PIK3C2G: variants seen among roughly 807,000 people sequenced by gnomAD.
The protein encoded by PIK3C2G is phosphatidylinositol-4-phosphate 3-kinase catalytic subunit type 2 gamma.
A neutral mutation model predicts 181.1 loss-of-function variants in PIK3C2G; 168 were observed. The observed-to-expected ratio is 0.93, with a 90% confidence interval of 0.82 to 1.05. The LOEUF is 1.05. Ranked by LOEUF, PIK3C2G falls within the 50% of genes least tolerant of loss-of-function variation. PIK3C2G has a pLI of 0.00. For synonymous variants in PIK3C2G, 573 were observed against 592.2 expected (o/e 0.97, Z 0.47); for missense variants, 1,869 against 1,732.8 (o/e 1.08, Z -1.40).
chr12:18,266,676 T>A (rs548792899), intron 1 of PIK3C2G, among the ~76,000 whole-genome samples: 41 of 152,206 alleles, frequency 2.7e-4, no homozygotes, highest in African/African-American at 9.9e-4. Flanking sequence ...AAACTGAATG[T>A]TTGGTATAGA....
intron 13 of PIK3C2G, among the ~76,000 whole-genome samples, chr12:18,373,526 C>G (rs930496675): frequency 5.3e-5 from 8 of 152,132 alleles, no homozygotes; most frequent in African/African-American, 1.9e-4. Flanking sequence ...TCTACATTTT[C>G]AAGCATGCAA....
chr12:18,243,032 A>C (rs1005709000), upstream of PIK3C2G, among the ~76,000 whole-genome samples: 7 of 152,170 alleles, frequency 4.6e-5, no homozygotes, highest in Non-Finnish European at 8.8e-5. Flanking sequence ...AATACAACTT[A>C]AAGAAGAACA....
chr12:18,496,760 G>A (rs182371215), intron 21 of PIK3C2G, among the ~76,000 whole-genome samples: 22 of 152,218 alleles, frequency 1.4e-4, no homozygotes, highest in African/African-American at 4.1e-4. Context: ...AGCCAAGCCC[G>A]TGCAACAAGG....
Position 18,576,405 on chromosome 12 carries a change from G to A in PIK3C2G, c.4011+9348G>A, listed in dbSNP as rs557771501. ...AAATCATGACTGTGCCCTCCAGAAAGATCACTCAGATTATGTAAATCACAT... is the reference window on the plus strand; with the variant it reads ...AAATCATGACTGTGCCCTCCAGAAAAATCACTCAGATTATGTAAATCACAT... On this transcript the variant is annotated intron_variant, in intron 29 of 32. Coordinates refer to ENST00000538779, the MANE Select transcript of PIK3C2G (RefSeq NM_001288772.2). Among the ~76,000 whole-genome samples the A allele has an allele frequency of 1.0e-3, 158 of 152,242 alleles. 1 individual carries two copies. The highest frequency in any genetic ancestry group is 4.6e-3 in the Admixed American group (70 of 15,286).
intron 1 of PIK3C2G, among the ~76,000 whole-genome samples, chr12:18,264,317 C>T (rs550543626): frequency 1.4e-4 from 22 of 152,102 alleles, no homozygotes; most frequent in Non-Finnish European, 2.9e-4. Context: ...ATATAGTCAA[C>T]GTTAGTCCAG....
chr12:18,315,567 T>G (rs10770355), intron 6 of PIK3C2G, among the ~76,000 whole-genome samples: 66,951 of 152,006 alleles, frequency 0.44, 14,854 homozygotes, highest in East Asian at 0.58. Flanking sequence ...CTCTTGTAAC[T>G]CTATTATTCT....
At chr12:18,557,077 T>G (rs1464791906) in intron 26 of PIK3C2G, among the ~76,000 whole-genome samples, 1 of 152,142 alleles carries the variant, frequency 6.6e-6, no homozygotes, top group Non-Finnish European at 1.5e-5. Context: ...AAAGTCATAC[T>G]GGATTACATT....
intron 24 of PIK3C2G, among the ~76,000 whole-genome samples, chr12:18,519,236 C>T (rs1942753420): frequency 6.6e-6 from 1 of 152,166 alleles, no homozygotes; most frequent in Admixed American, 6.5e-5. Context: ...CTGTAGATGT[C>T]TGTTAGGTCC....
At chr12:18,324,925 T>C in intron 7 of PIK3C2G, 110 bp from the exon 8 acceptor site, 2 of 588,572 alleles carry the variant, frequency 3.4e-6, no homozygotes, top group Non-Finnish European at 6.0e-6. Context: ...TTTTATACCA[T>C]GCCTACGATA....
At chr12:18,312,710 T>A (rs1034107038) in intron 5 of PIK3C2G, among the ~76,000 whole-genome samples, 2 of 152,234 alleles carry the variant, frequency 1.3e-5, no homozygotes, top group South Asian at 2.1e-4. Context: ...GAATCTAGAT[T>A]AGACTAACAG....
intron 23 of PIK3C2G, among the ~76,000 whole-genome samples, chr12:18,504,697 C>T (rs1941708994): frequency 6.6e-6 from 1 of 152,166 alleles, no homozygotes; most frequent in Admixed American, 6.5e-5. Context: ...ATTAGAGAAA[C>T]ATAAACACAA....
chr12:18,340,742 A>C (rs993060216), intron 9 of PIK3C2G, among the ~76,000 whole-genome samples: 1 of 152,190 alleles, frequency 6.6e-6, no homozygotes. Context: ...GAAAAATAAA[A>C]TAATTTCCTG....
chr12:18,479,946 A>C (rs139280847), intron 18 of PIK3C2G, among the ~76,000 whole-genome samples: 80 of 152,316 alleles, frequency 5.3e-4, no homozygotes, highest in African/African-American at 1.9e-3. Flanking sequence ...CCCACTGAGA[A>C]TATGAGTATA....
At chr12:18,353,044 C>T (rs35993708) in intron 11 of PIK3C2G, among the ~76,000 whole-genome samples, 16,998 of 152,086 alleles carry the variant, frequency 0.11, 1,306 homozygotes, top group Admixed American at 0.25. Context: ...CACTTTGGGC[C>T]GCAGGTCCAA....
chr12:18,697,710 GATA>G, the PIK3C2G span, among the ~76,000 whole-genome samples: 3 of 152,006 alleles, frequency 2.0e-5, no homozygotes, highest in Middle Eastern at 3.2e-3. Context: ...TTAGTTGAAT[GATA>G]ATGTTTGTTC....
chr12:18,492,394 T>G (rs1489626871), intron 20 of PIK3C2G, among the ~76,000 whole-genome samples: 1 of 152,236 alleles, frequency 6.6e-6, no homozygotes, highest in Non-Finnish European at 1.5e-5. Flanking sequence ...TGCTAAAAAC[T>G]TGATACCATC....
chr12:18,591,811 G>A (rs1315141259), intron 29 of PIK3C2G, among the ~76,000 whole-genome samples: 1 of 151,788 alleles, frequency 6.6e-6, no homozygotes, highest in Non-Finnish European at 1.5e-5. Flanking sequence ...AGGGTAGCAA[G>A]ATAAGTATAA....
intron 17 of PIK3C2G, among the ~76,000 whole-genome samples, chr12:18,423,119 C>T (rs1172123637): frequency 6.7e-6 from 1 of 150,122 alleles, no homozygotes; most frequent in East Asian, 2.0e-4. Flanking sequence ...CTGGCTTAGA[C>T]TCTGAAGCTT....
chr12:18,673,673 A>G, the PIK3C2G span, among the ~76,000 whole-genome samples: 1 of 152,202 alleles, frequency 6.6e-6, no homozygotes, highest in African/African-American at 2.4e-5. Context: ...AGGCACAGCT[A>G]CTGGGCCCTC....
Sources: allele counts gnomAD v4.1 joint callset (sites outside exome capture counted in the v4.1 genomes callset), GRCh38; gene constraint gnomAD v4.1.1; transcripts MANE v1.5; gene names NCBI Gene and HGNC (gene_info 2026-07-23, HGNC 2026-07-21).